The following RIDA variants were observed in gnomAD, a reference collection of about 807,000 sequenced individuals.
RIDA encodes the protein reactive intermediate imine deaminase A.
A neutral mutation model predicts 17.8 loss-of-function variants in RIDA; 17 were observed. The ratio of observed to expected loss-of-function variants is 0.96; its 90% CI spans 0.65 to 1.43. The LOEUF (loss-of-function observed/expected upper bound fraction) is 1.43. Ranked by LOEUF, RIDA falls within the 40% of genes most tolerant of loss-of-function variation. The pLI, the probability that RIDA is intolerant of heterozygous loss-of-function variation, is 0.00. For missense variants in RIDA, 158 were observed against 161.7 expected (o/e 0.98, Z 0.12); for synonymous variants, 48 against 55.7 (o/e 0.86, Z 0.62).
Position 98,114,822 on chromosome 8 carries a change from C to A in RIDA, c.65+2210G>T, listed in dbSNP as rs1037464730. Among the ~76,000 whole-genome samples the A allele has an allele frequency of 3.3e-5, 5 of 152,144 alleles. No individual in the cohort carries two copies. The East Asian group carries it at 9.6e-4, about 29-fold the overall frequency. ...AGTCCAACTCTTAATCAGTATTTCT[C>A]AAAGGAGTCAGTCATACACAGTAAG... On this transcript the variant is annotated intron_variant, in intron 1 of 5. Transcript: ENST00000254878.
chr8:98,105,994 G>C lies in RIDA; in HGVS notation c.239C>G (p.Thr80Ser). ...GTCATTTATGTCAGCCAGAAGAACA[G>C]TTGTTTTCACCACTAGAAGATATAA... Reference protein sequence around the residue: ...GCDFTNVVKTTVLLADINDFN... With the variant: ...GCDFTNVVKTSVLLADINDFN... The change falls in exon 4 of 6, where the codon ACT (threonine) becomes AGT (serine). Residue 80 changes from threonine (T) to serine (S), a missense_variant. Physicochemically the swap from Thr to Ser is moderately conservative, Grantham distance 58. Coordinates refer to ENST00000254878, the MANE Select transcript of RIDA (RefSeq NM_005836.3). 1.2e-6 allele frequency: 2 copies of C among 1,604,760 alleles called. No individual in the cohort carries two copies. The highest frequency in any genetic ancestry group is 1.7e-6 in the Non-Finnish European group (2 of 1,171,660).
chr8:98,117,143 C>CTTCTTCTGGACTG lies in RIDA; in HGVS notation c.-48_-47insCAGTCCAGAAGAA. 1 of 1,568,016 alleles carries CTTCTTCTGGACTG rather than the reference C, an allele frequency of 6.4e-7. No individual in the cohort carries two copies. Among genetic ancestry groups the CTTCTTCTGGACTG allele is most frequent in the Non-Finnish European group, 8.8e-7 (1 of 1,137,894 alleles). On this transcript the variant is annotated 5_prime_UTR_variant, in exon 1 of 6. Transcript: ENST00000254878. The stretch of plus-strand genomic sequence containing the variant: ...GCCCCTTCAGGAGAAGAAGCCCCAG[C>CTTCTTCTGGACTG]ACCAGCCCTGCTGGCTTCTTACTGG...
chr8:98,102,981 C>G, intron 5 of RIDA, 77 bp from the exon 6 acceptor site: 1 of 903,146 alleles, frequency 1.1e-6, no homozygotes, highest in Middle Eastern at 2.2e-4. Flanking sequence ...TAAAAACATG[C>G]AACCAACAGC....
At chr8:98,116,067 C>G (rs576279667) in intron 1 of RIDA, among the ~76,000 whole-genome samples, 6 of 152,182 alleles carry the variant, frequency 3.9e-5, no homozygotes, top group Admixed American at 3.9e-4. Context: ...ACTTCTACCT[C>G]CATGCCCTTC....
chr8:98,109,844 T>C (rs868664504), intron 1 of RIDA, among the ~76,000 whole-genome samples: 1 of 152,326 alleles, frequency 6.6e-6, no homozygotes. Flanking sequence ...CTCAAACTCC[T>C]GGACTCAAGT....
At chr8:98,114,942 A>G (rs1351788312) in intron 1 of RIDA, among the ~76,000 whole-genome samples, 1 of 152,120 alleles carries the variant, frequency 6.6e-6, no homozygotes, top group Non-Finnish European at 1.5e-5. Context: ...GATTAAGACT[A>G]GGCTCTAGTA....
chr8:98,104,505 A>G lies in RIDA; in HGVS notation c.335T>C (p.Val112Ala). The change falls in exon 5 of 6, where the codon GTT (valine) becomes GCT (alanine). Residue 112 changes from valine (V) to alanine (A), a missense_variant. Coordinates refer to ENST00000254878, the MANE Select transcript of RIDA (RefSeq NM_005836.3). ...TGTACTTACTTTGGGTAAAGCAGCA[A>G]CTTGGTAAGCAGCTCTAGCAGGAAA... ...SNFPARAAYQ[V>A]AALPKGSRIE... 1 of 1,593,512 alleles carries G rather than the reference A, an allele frequency of 6.3e-7. No individual in the cohort carries two copies. The highest frequency in any genetic ancestry group is 8.6e-7 in the Non-Finnish European group (1 of 1,161,840).
intron 1 of RIDA, among the ~76,000 whole-genome samples, chr8:98,112,291 A>G (rs183396463): frequency 8.9e-4 from 135 of 151,774 alleles, no homozygotes; most frequent in African/African-American, 3.0e-3. Flanking sequence ...TCTTCCTTAT[A>G]CTATGTACAG....
intron 5 of RIDA, among the ~76,000 whole-genome samples, 192 bp from the exon 6 acceptor site, chr8:98,103,096 A>G (rs549854620): frequency 1.4e-4 from 22 of 152,344 alleles, no homozygotes; most frequent in African/African-American, 4.3e-4. Context: ...ATATTCATAT[A>G]CTATATTAGC....
intron 1 of RIDA, among the ~76,000 whole-genome samples, chr8:98,112,856 A>G (rs1010249089): frequency 6.6e-6 from 1 of 152,192 alleles, no homozygotes; most frequent in African/African-American, 2.4e-5. Flanking sequence ...CATGATAGTA[A>G]AAAGAAACTC....
intron 1 of RIDA, among the ~76,000 whole-genome samples, chr8:98,115,464 G>A (rs1815796734): frequency 3.4e-5 from 5 of 146,760 alleles, no homozygotes; most frequent in Admixed American, 3.4e-4. Flanking sequence ...TGTTAGCAAT[G>A]ATGACTCTAC....
chr8:98,103,922 G>A (rs1032880176), intron 5 of RIDA, among the ~76,000 whole-genome samples: 2 of 152,122 alleles, frequency 1.3e-5, no homozygotes, highest in South Asian at 2.1e-4. Context: ...ACAGGCGTGA[G>A]CCACCGCGCC....
chr8:98,102,968 T>A, intron 5 of RIDA, 64 bp from the exon 6 acceptor site: 1 of 1,137,094 alleles, frequency 8.8e-7, no homozygotes, highest in Non-Finnish European at 1.3e-6. Flanking sequence ...CTATAATACC[T>A]ACTAAAAACA....
At chr8:98,112,548 G>A (rs1815742864) in intron 1 of RIDA, among the ~76,000 whole-genome samples, 1 of 152,208 alleles carries the variant, frequency 6.6e-6, no homozygotes, top group Non-Finnish European at 1.5e-5. Context: ...TTGACTTACA[G>A]CAAATGCTTT....
At chr8:98,112,372 T>C (rs891239118) in intron 1 of RIDA, among the ~76,000 whole-genome samples, 1 of 152,226 alleles carries the variant, frequency 6.6e-6, no homozygotes, top group Non-Finnish European at 1.5e-5. Flanking sequence ...TCTAAACTCC[T>C]TGAGGTCAGG....
intron 1 of RIDA, among the ~76,000 whole-genome samples, chr8:98,114,491 A>AT (rs34996191): frequency 0.41 from 58,319 of 141,942 alleles, 12,019 homozygotes; most frequent in South Asian, 0.5. Context: ...TACCCAGCTA[A>AT]TTTTTTTTTT....
intron 1 of RIDA, among the ~76,000 whole-genome samples, chr8:98,112,107 G>GCTACAT (rs1246629643): frequency 6.6e-6 from 1 of 150,578 alleles, no homozygotes; most frequent in African/African-American, 2.5e-5. Flanking sequence ...TTTTTTAACA[G>GCTACAT]CTACATATGT....
At chr8:98,104,031 A>AT (rs1433888334) in intron 5 of RIDA, among the ~76,000 whole-genome samples, 1 of 147,374 alleles carries the variant, frequency 6.8e-6, no homozygotes, top group Non-Finnish European at 1.5e-5. Flanking sequence ...GTAATATGGG[A>AT]TATTTCCTTT....
At chr8:98,109,910 CAGCA>C (rs1815700631) in intron 1 of RIDA, among the ~76,000 whole-genome samples, 1 of 152,202 alleles carries the variant, frequency 6.6e-6, no homozygotes, top group Non-Finnish European at 1.5e-5. Flanking sequence ...AGCCTCAACT[CAGCA>C]ATTTCTTTCC....
Sources: gnomAD v4.1 joint callset for allele counts (sites outside exome capture counted in the v4.1 genomes callset) on GRCh38, gnomAD v4.1.1 for gene constraint, MANE v1.5 for transcripts, NCBI Gene and HGNC (gene_info 2026-07-23, HGNC 2026-07-21) for gene names.